ACTR3C: variants seen among roughly 807,000 people sequenced by gnomAD.
ACTR3C encodes actin related protein 3C.
ACTR3C carries 18 observed loss-of-function variants against 26.3 expected under a neutral mutation model. The ratio of observed to expected loss-of-function variants is 0.68; its 90% confidence interval spans 0.47 to 1.01. The LOEUF (loss-of-function observed/expected upper bound fraction) is 1.01. ACTR3C is among the 50% of genes least tolerant of loss of function. ACTR3C has a pLI of 0.00. For synonymous variants in ACTR3C, 55 were observed against 94.5 expected, an observed-to-expected ratio of 0.58 and a Z score of 2.42; for missense variants, 184 against 250.7, an observed-to-expected ratio of 0.73 and a Z score of 1.80.
intron 6 of ACTR3C, among the ~76,000 whole-genome samples, chr7:150,273,299 A>G (rs1834594256): frequency 7.3e-6 from 1 of 137,296 alleles, no homozygotes; most frequent in South Asian, 2.5e-4. Context: ...TTTTTTTGAA[A>G]TAGGGTGTCC....
the ACTR3C span, among the ~76,000 whole-genome samples, chr7:150,110,652 A>G: frequency 1.2e-5 from 1 of 86,228 alleles, no homozygotes; most frequent in Non-Finnish European, 2.2e-5. Context: ...GGGGCTGGCA[A>G]GGGGCAAAAC....
At chr7:150,240,832 A>G (rs1411265959), downstream of ACTR3C, among the ~76,000 whole-genome samples, 1 of 152,244 alleles carries the variant, frequency 6.6e-6, no homozygotes, top group Admixed American at 6.5e-5. Context: ...TTACAAATAA[A>G]GGACCAGATC....
At chr7:150,227,688 G>GTTTT in the ACTR3C span, among the ~76,000 whole-genome samples, 38 of 111,344 alleles carry the variant, frequency 3.4e-4, no homozygotes, top group African/African-American at 1.3e-3. Context: ...TTGTGTCTGG[G>GTTTT]TTTTTTTTTT....
At chr7:150,106,380 A>G in the ACTR3C span, among the ~76,000 whole-genome samples, 4 of 74,036 alleles carry the variant, frequency 5.4e-5, no homozygotes, top group Admixed American at 1.3e-4. Context: ...GGTTGGCACC[A>G]TGGCTAGGCA....
At chr7:149,926,621 G>C in the ACTR3C span, among the ~76,000 whole-genome samples, 1 of 152,072 alleles carries the variant, frequency 6.6e-6, no homozygotes, top group Non-Finnish European at 1.5e-5. Flanking sequence ...CATCCTGCAC[G>C]GCTGCACTGG....
At chr7:150,300,925 G>A (rs2689430) in intron 1 of ACTR3C, among the ~76,000 whole-genome samples, 118 of 151,706 alleles carry the variant, frequency 7.8e-4, no homozygotes, top group African/African-American at 1.2e-3. Context: ...TTTAAAGCAC[G>A]TGAGTAAGAG....
At chr7:150,022,779 T>C in the ACTR3C span, among the ~76,000 whole-genome samples, 1 of 152,162 alleles carries the variant, frequency 6.6e-6, no homozygotes, top group African/African-American at 2.4e-5. Flanking sequence ...ACTGTGTAAG[T>C]ATGACCAATT....
the ACTR3C span, among the ~76,000 whole-genome samples, chr7:150,157,558 T>C: frequency 6.6e-6 from 1 of 151,994 alleles, no homozygotes; most frequent in African/African-American, 2.4e-5. Context: ...TTTCTGGTGC[T>C]GCTCCATGCT....
At chr7:149,962,086 C>A in the ACTR3C span, among the ~76,000 whole-genome samples, 38 of 152,080 alleles carry the variant, frequency 2.5e-4, no homozygotes, top group South Asian at 7.3e-3. Context: ...AGGAAGTATA[C>A]ACTCACAGGA....
chr7:150,017,277 C>T, the ACTR3C span, among the ~76,000 whole-genome samples: 49,830 of 150,592 alleles, frequency 0.33, 8,298 homozygotes, highest in East Asian at 0.43. Flanking sequence ...TGCGCTATCT[C>T]GTGTGGCTTC....
intron 6 of ACTR3C, among the ~76,000 whole-genome samples, chr7:150,251,499 G>A (rs184665291): frequency 1.3e-5 from 2 of 151,812 alleles, no homozygotes; most frequent in African/African-American, 4.8e-5. Context: ...TTAAAACATG[G>A]TTGCTATAGA....
chr7:150,294,547 T>C (rs1836572315), intron 2 of ACTR3C, among the ~76,000 whole-genome samples: 1 of 152,188 alleles, frequency 6.6e-6, no homozygotes, highest in South Asian at 2.1e-4. Flanking sequence ...AATACATAGA[T>C]TTCGACACAG....
At chr7:150,200,432 A>T in the ACTR3C span, among the ~76,000 whole-genome samples, 2 of 151,856 alleles carry the variant, frequency 1.3e-5, no homozygotes, top group Non-Finnish European at 2.9e-5. Flanking sequence ...TTTAAAAATC[A>T]TTTTTTTTCA....
the ACTR3C span, among the ~76,000 whole-genome samples, chr7:149,942,258 C>G: frequency 2.0e-5 from 3 of 152,206 alleles, no homozygotes; most frequent in African/African-American, 7.2e-5. Context: ...TAAATCACAT[C>G]ACCTTAGACT....
intron 6 of ACTR3C, among the ~76,000 whole-genome samples, chr7:150,281,618 A>G (rs1326072709): frequency 6.6e-6 from 1 of 151,572 alleles, no homozygotes; most frequent in Non-Finnish European, 1.5e-5. Flanking sequence ...TGACTCTTCC[A>G]CAGTCTTTCC....
the ACTR3C span, among the ~76,000 whole-genome samples, chr7:149,991,364 C>G: frequency 6.6e-6 from 1 of 152,186 alleles, no homozygotes; most frequent in Non-Finnish European, 1.5e-5. Context: ...TTTTTTAAAA[C>G]TGTGAGTTCA....
At chr7:150,239,838 A>G (rs567868341), downstream of ACTR3C, among the ~76,000 whole-genome samples, 2 of 151,788 alleles carry the variant, frequency 1.3e-5, no homozygotes, top group East Asian at 3.9e-4. Flanking sequence ...TGCAACCTCC[A>G]TTTCCCAGGC....
At chr7:150,094,415 C>A in the ACTR3C span, among the ~76,000 whole-genome samples, 23 of 150,008 alleles carry the variant, frequency 1.5e-4, no homozygotes, top group East Asian at 3.7e-3. Context: ...GCCCACCAAG[C>A]ACCAAGGGAA....
chr7:150,126,838 G>A, the ACTR3C span, among the ~76,000 whole-genome samples: 13 of 152,160 alleles, frequency 8.5e-5, no homozygotes, highest in Admixed American at 5.2e-4. Flanking sequence ...GGACTAACAA[G>A]GATGGCTAAG....
Sources: gnomAD v4.1 joint callset for allele counts (sites outside exome capture counted in the v4.1 genomes callset) on GRCh38, gnomAD v4.1.1 for gene constraint, MANE v1.5 for transcripts, NCBI Gene and HGNC (gene_info 2026-07-23, HGNC 2026-07-21) for gene names.